The following PROB1 variants were observed in gnomAD, a reference collection of about 807,000 sequenced individuals.
PROB1 encodes the protein proline-rich basic protein 1.
For synonymous variants in PROB1, 660 were observed against 699.3 expected (o/e 0.94, Z 0.89); for missense variants, 1,453 against 1,485.7 (o/e 0.98, Z 0.36).
Position 139,393,177 on chromosome 5 carries a change from G to C in PROB1, c.1905C>G (p.Tyr635Ter), listed in dbSNP as rs753320442. 3.9e-6 allele frequency: 6 copies of C among 1,549,192 alleles called. No homozygotes were observed. The highest frequency in any genetic ancestry group is 3.9e-5 in the Admixed American group (2 of 50,912). Reference protein sequence around the residue: ...RDVRKLVKTTYAPGFPAGAQG... With the variant: ...RDVRKLVKTT ...GTGCTCCTGCCGGGAAGCCTGGCGC[G>C]TACGTGGTCTTCACCAACTTGCGCA... Residue 635 changes from tyrosine to a stop codon, truncating the protein, a stop_gained, in exon 1 of 1, where the codon TAC (tyrosine) becomes TAG (stop). Transcript: ENST00000434752. LOFTEE classifies it low-confidence loss of function (END_TRUNC).
Position 139,394,261 on chromosome 5 carries a change from G to T in PROB1, c.821C>A (p.Thr274Lys). 6.5e-7 allele frequency: 1 copy of T among 1,544,878 alleles called. No individual in the cohort carries two copies. Residue 274 changes from threonine (T) to lysine (K), a missense_variant, in exon 1 of 1, where the codon ACG (threonine) becomes AAG (lysine). Coordinates refer to ENST00000434752, the MANE Select transcript of PROB1 (RefSeq NM_001161546.2). Reference protein sequence around the residue: ...PAPSSATFGSTGRSEPETRET... With the variant: ...PAPSSATFGSKGRSEPETRET... ...CCGGGTCTCAGGTTCCGACCGCCCC[G>T]TGGACCCGAAGGTGGCGCTGCTCGG...
Position 139,394,109 on chromosome 5 carries a change from G to A in PROB1, c.973C>T (p.Arg325Cys). Residue 325 changes from arginine to cysteine, a missense_variant, in exon 1 of 1, where the codon CGC (arginine) becomes TGC (cysteine). Physicochemically the swap from Arg to Cys is radical, Grantham distance 180. Coordinates refer to ENST00000434752, the MANE Select transcript of PROB1 (RefSeq NM_001161546.2). ...WPSLRERAIR[R>C]DKPAPGTEPL... The stretch of plus-strand genomic sequence containing the variant: ...TCCGTCCCGGGCGCAGGCTTGTCGC[G>A]CCGAATCGCGCGCTCGCGGAGGCTG... The A allele has an allele frequency of 1.9e-6, 3 of 1,548,230 alleles. No homozygotes were observed. Among genetic ancestry groups the A allele is most frequent in the Non-Finnish European group, 2.6e-6 (3 of 1,145,630 alleles).
Position 139,393,854 on chromosome 5 carries a change from GGCA to G in PROB1, c.1225_1227del (p.Cys409del), listed in dbSNP as rs1438289394. ...CACGGGGACAGGTTCTGGGGCGACG[GGCA>G]GCGAGGACCCCGTACAGCCCCATTT... On this transcript the variant is annotated inframe_deletion, in exon 1 of 1. Coordinates refer to ENST00000434752, the MANE Select transcript of PROB1 (RefSeq NM_001161546.2). The G allele has an allele frequency of 1.3e-6, 2 of 1,550,594 alleles. No homozygotes were observed. The highest frequency in any genetic ancestry group is 2.7e-5 in the African/African-American group (2 of 72,790).
chr5:139,394,737 G>C lies in PROB1; in HGVS notation c.345C>G (p.Phe115Leu). The change falls in exon 1 of 1, where the codon TTC (phenylalanine) becomes TTG (leucine). Residue 115 changes from phenylalanine (F) to leucine (L), a missense_variant. Phe to Leu is a conservative substitution (Grantham distance 22). Coordinates refer to ENST00000434752, the MANE Select transcript of PROB1 (RefSeq NM_001161546.2). ...TLPSGEMEVI[F>L]GVGPLFGCSG... is the part of the protein sequence containing the mutation. The stretch of plus-strand genomic sequence containing the variant: ...AGCAGCCGAACAGGGGTCCGACGCC[G>C]AAGATGACTTCCATCTCCCCCGACG... 6.5e-7 allele frequency: 1 copy of C among 1,533,332 alleles called. No individual in the cohort carries two copies. Among genetic ancestry groups the C allele is most frequent in the Non-Finnish European group, 8.7e-7 (1 of 1,143,744 alleles). 95.0% of individuals were successfully genotyped at this position (1,533,332 alleles called of 1,614,324 possible). A position where few individuals can be genotyped will look rare whatever the true frequency, so the allele number is the denominator to read the frequency against.
rs1758631182 is a variant in PROB1 at position 139,393,243 on chromosome 5, G to A, written c.1839C>T (p.Ala613=). Residue 613 remains alanine (A), a synonymous_variant, in exon 1 of 1, where the codon GCC becomes GCT. Transcript: ENST00000434752. ...GAATGGCCATGCGCGGGCGTCCCGAGGCCGCCTCTCCAGGACCCAAGACTT... is the reference window on the plus strand; with the variant it reads ...GAATGGCCATGCGCGGGCGTCCCGAAGCCGCCTCTCCAGGACCCAAGACTT... The part of the protein sequence containing the change: ...CPEVLGPGEA[A]SGRPRMAIPR... The A allele has an allele frequency of 3.2e-6, 5 of 1,549,166 alleles. No homozygotes were observed. The highest frequency in any genetic ancestry group is 3.5e-6 in the Non-Finnish European group (4 of 1,146,950).
chr5:139,394,119 G>C lies in PROB1; in HGVS notation c.963C>G (p.Arg321=). 6.5e-7 allele frequency: 1 copy of C among 1,547,968 alleles called. No homozygotes were observed. The highest frequency in any genetic ancestry group is 8.7e-7 in the Non-Finnish European group (1 of 1,145,460). The change falls in exon 1 of 1, where the codon CGC becomes CGG. Residue 321 remains arginine, a synonymous_variant. Coordinates refer to ENST00000434752, the MANE Select transcript of PROB1 (RefSeq NM_001161546.2). Reference sequence around the variant, plus strand: ...GCGCAGGCTTGTCGCGCCGAATCGCGCGCTCGCGGAGGCTGGGCCACGGCC... The same window carrying C: ...GCGCAGGCTTGTCGCGCCGAATCGCCCGCTCGCGGAGGCTGGGCCACGGCC... The part of the protein sequence containing the change: ...APRPWPSLRE[R]AIRRDKPAPG...
rs1758665529 is a variant in PROB1, at chr5:139,394,783, T to A, written c.299A>T (p.Gln100Leu). Residue 100 changes from glutamine to leucine, a missense_variant, in exon 1 of 1, where the codon CAG becomes CTG. Gln to Leu is a moderately radical substitution (Grantham distance 113, BLOSUM62 -2). Transcript: ENST00000434752. ...CGACGGCAGCGTGCGCAGCTGGGGCTGGGGTGGCCGTGGGCCGGAACCTGG... is the reference window on the plus strand; with the variant it reads ...CGACGGCAGCGTGCGCAGCTGGGGCAGGGGTGGCCGTGGGCCGGAACCTGG... Reference protein sequence around the residue: ...RGPGSGPRPPQPQLRTLPSGE... With the variant: ...RGPGSGPRPPLPQLRTLPSGE... The A allele has an allele frequency of 2.0e-6, 3 of 1,529,776 alleles. No homozygotes were observed. The South Asian group carries it at 3.6e-5, about 18-fold the overall frequency. The allele number at this position is 1,529,776 out of a possible 1,614,324, so 94.8% of individuals were successfully genotyped here.
Position 139,393,065 on chromosome 5 carries a change from G to T in PROB1, c.2017C>A (p.Pro673Thr), listed in dbSNP as rs1179383514. Residue 673 changes from proline (P) to threonine (T), a missense_variant, in exon 1 of 1, where the codon CCC becomes ACC. Transcript: ENST00000434752. The part of the protein sequence containing the change: ...SKTQEPPALG[P>T]PAPAHYTSVF... ...GAAGTGTAGTGAGCCGGGGCGGGGG[G>T]CCCCAGTGCTGGCGGCTCTTGCGTC... is the stretch of plus-strand genomic sequence containing the variant. 2 of 1,529,188 alleles carry T rather than the reference G, an allele frequency of 1.3e-6. No individual in the cohort carries two copies. The highest frequency in any genetic ancestry group is 2.5e-5 in the South Asian group (2 of 81,280). 94.7% of individuals were successfully genotyped at this position (1,529,188 alleles called of 1,614,324 possible).
Position 139,393,496 on chromosome 5 carries a change from G to A in PROB1, c.1586C>T (p.Ser529Leu), listed in dbSNP as rs1207980843. 1 of 1,551,474 alleles carries A rather than the reference G, an allele frequency of 6.4e-7. No individual in the cohort carries two copies. The highest frequency in any genetic ancestry group is 8.7e-7 in the Non-Finnish European group (1 of 1,147,000). Residue 529 changes from serine to leucine, a missense_variant, in exon 1 of 1, where the codon TCA (serine) becomes TTA (leucine). By Grantham distance (145) the Ser-to-Leu change is moderately radical. Transcript: ENST00000434752. ...QETWDPMGPGSSIAFTQEAQN... is the reference protein window; with the variant it reads ...QETWDPMGPGLSIAFTQEAQN... ...AGCTTCCTGAGTAAATGCTATCGAT[G>A]AGCCCGGCCCCATGGGATCCCATGT...
rs1758644349 is a variant in PROB1, at chr5:139,393,931, G to A, written c.1151C>T (p.Pro384Leu). 6.4e-7 allele frequency: 1 copy of A among 1,550,910 alleles called. No homozygotes were observed. The change falls in exon 1 of 1, where the codon CCG becomes CTG. Residue 384 changes from proline to leucine, a missense_variant. Coordinates refer to ENST00000434752, the MANE Select transcript of PROB1 (RefSeq NM_001161546.2). ...PFECRIPSEV[P>L]SRAVRPRSPS... ...GCTCCTTGGCCTCACAGCCCTACTC[G>A]GAACCTCCGAGGGGATCCTACACTC...
rs1320822128 is a variant in PROB1, at chr5:139,394,945, A to C, written c.137T>G (p.Val46Gly). The change falls in exon 1 of 1, where the codon GTT becomes GGT. Residue 46 changes from valine (V) to glycine (G), a missense_variant. Transcript: ENST00000434752. The part of the protein sequence containing the change: ...TAPGSPEPPD[V>G]GPDAKGPANW... ...CGCTGGGCCTTTCGCGTCCGGCCCA[A>C]CGTCCGGGGGCTCCGGAGAACCTGG... 1 of 1,521,160 alleles carries C rather than the reference A, an allele frequency of 6.6e-7. No individual in the cohort carries two copies. The highest frequency in any genetic ancestry group is 2.7e-5 in the East Asian group (1 of 37,730). 94.2% of individuals were successfully genotyped at this position (1,521,160 alleles called of 1,614,324 possible).
rs1017571671 is a variant in PROB1 at position 139,394,661 on chromosome 5, T to C, written c.421A>G (p.Ile141Val). ...AQQQFTEPAF[I>V]SPLPPGPASP... The stretch of plus-strand genomic sequence containing the variant: ...GCTGGCCCCGGCGGCAAGGGGCTGA[T>C]GAAGGCCGGCTCCGTGAACTGTTGT... Residue 141 changes from isoleucine (I) to valine (V), a missense_variant, in exon 1 of 1, where the codon ATC becomes GTC. Physicochemically the swap from Ile to Val is conservative, Grantham distance 29 (BLOSUM62 3). Coordinates refer to ENST00000434752, the MANE Select transcript of PROB1 (RefSeq NM_001161546.2). The C allele has an allele frequency of 9.1e-6, 14 of 1,534,840 alleles. No individual in the cohort carries two copies. The highest frequency in any genetic ancestry group is 1.1e-5 in the Non-Finnish European group (13 of 1,145,572).
Position 139,394,209 on chromosome 5 carries a change from G to C in PROB1, c.873C>G (p.Val291=). 6.5e-7 allele frequency: 1 copy of C among 1,548,674 alleles called. No homozygotes were observed. Among genetic ancestry groups the C allele is most frequent in the Non-Finnish European group, 8.7e-7 (1 of 1,145,422 alleles). Residue 291 remains valine, a synonymous_variant, in exon 1 of 1, where the codon GTC becomes GTG. Coordinates refer to ENST00000434752, the MANE Select transcript of PROB1 (RefSeq NM_001161546.2). ...TRETARSTHV[V]LEKAKSRPLR... is the part of the protein sequence containing the mutation. ...GTGGCCGAGACTTAGCCTTCTCCAG[G>C]ACCACGTGGGTGCTGCGGGCCGTTT...
chr5:139,392,714 G>A lies in PROB1; in HGVS notation c.2368C>T (p.Pro790Ser). The change falls in exon 1 of 1, where the codon CCC becomes TCC. Residue 790 changes from proline (P) to serine (S), a missense_variant. Physicochemically the swap from Pro to Ser is moderately conservative, Grantham distance 74 (BLOSUM62 -1). Transcript: ENST00000434752. This position sits in a 1 kb window ranked among gnomAD's most constrained non-coding sequence, Gnocchi z 5.8. ...GGARSSSQRS[P>S]VGPAGVRSPR... ...GATCGGACCCCTGCTGGCCCTACGGGGGAGCGCTGGGATGAGCTGCGGGCG... is the reference window on the plus strand; with the variant it reads ...GATCGGACCCCTGCTGGCCCTACGGAGGAGCGCTGGGATGAGCTGCGGGCG... The A allele has an allele frequency of 2.1e-6, 3 of 1,400,704 alleles. No homozygotes were observed. In the African/African-American group the frequency reaches 4.6e-5, roughly 21 times the overall value. 86.8% of individuals were successfully genotyped at this position (1,400,704 alleles called of 1,614,324 possible). A position where few individuals can be genotyped will look rare whatever the true frequency, so the allele number is the denominator to read the frequency against.
At position 139,392,681 on chromosome 5, in the gene PROB1, G is replaced by T; in HGVS notation, c.2401C>A (p.Pro801Thr). Reference sequence around the variant, plus strand: ...CTGGCTTGCATCTGAGGGGAGCCGGGGCGGGGCGATCGGACCCCTGCTGGC... The same window carrying T: ...CTGGCTTGCATCTGAGGGGAGCCGGTGCGGGGCGATCGGACCCCTGCTGGC... Reference protein sequence around the residue: ...VGPAGVRSPRPGSPQMQASPS... With the variant: ...VGPAGVRSPRTGSPQMQASPS... Residue 801 changes from proline (P) to threonine (T), a missense_variant, in exon 1 of 1, where the codon CCC (proline) becomes ACC (threonine). Pro to Thr is a conservative substitution (Grantham distance 38). Transcript: ENST00000434752. This position sits in a 1 kb window ranked among gnomAD's most constrained non-coding sequence, Gnocchi z 5.8. The T allele has an allele frequency of 7.2e-7, 1 of 1,396,720 alleles. No individual in the cohort carries two copies. The allele number at this position is 1,396,720 out of a possible 1,614,324, so 86.5% of individuals were successfully genotyped here.
Position 139,394,545 on chromosome 5 carries a change from A to G in PROB1, c.537T>C (p.Ser179=), listed in dbSNP as rs771610333. 3.3e-6 allele frequency: 5 copies of G among 1,495,004 alleles called. No individual in the cohort carries two copies. In the African/African-American group the frequency reaches 5.7e-5, roughly 17 times the overall value. 92.6% of individuals were successfully genotyped at this position (1,495,004 alleles called of 1,614,324 possible). A position where few individuals can be genotyped will look rare whatever the true frequency, so the allele number is the denominator to read the frequency against. Residue 179 remains serine, a synonymous_variant, in exon 1 of 1, where the codon AGT becomes AGC. Transcript: ENST00000434752. ...ACTCGAACTGCGCTGGGGCGGCAGG[A>G]CTTGGCCCACGGGGCCGCAGCTCTA... ...TYLELRPRGP[S]PAAPAQFECV...
Position 139,393,049 on chromosome 5 carries a change from T to G in PROB1, c.2033A>C (p.His678Pro). The change falls in exon 1 of 1, where the codon CAC becomes CCC. Residue 678 changes from histidine (H) to proline (P), a missense_variant. Physicochemically the swap from His to Pro is moderately conservative, Grantham distance 77 (BLOSUM62 -2). Coordinates refer to ENST00000434752, the MANE Select transcript of PROB1 (RefSeq NM_001161546.2). Reference sequence around the variant, plus strand: ...ATCCTTGATGAAAACGGAAGTGTAGTGAGCCGGGGCGGGGGGCCCCAGTGC... The same window carrying G: ...ATCCTTGATGAAAACGGAAGTGTAGGGAGCCGGGGCGGGGGGCCCCAGTGC... ...PPALGPPAPAHYTSVFIKDFL... is the reference protein window; with the variant it reads ...PPALGPPAPAPYTSVFIKDFL... 1 of 1,527,052 alleles carries G rather than the reference T, an allele frequency of 6.5e-7. No homozygotes were observed. The highest frequency in any genetic ancestry group is 8.8e-7 in the Non-Finnish European group (1 of 1,136,490). The allele number at this position is 1,527,052 out of a possible 1,614,324, so 94.6% of individuals were successfully genotyped here. A position where few individuals can be genotyped will look rare whatever the true frequency, so the allele number is the denominator to read the frequency against.
Position 139,393,563 on chromosome 5 carries a change from G to T in PROB1, c.1519C>A (p.Pro507Thr). 1 of 1,551,170 alleles carries T rather than the reference G, an allele frequency of 6.4e-7. No individual in the cohort carries two copies. The highest frequency in any genetic ancestry group is 8.7e-7 in the Non-Finnish European group (1 of 1,146,920). ...SPPAFFPWEA[P>T]DRPIGTWGPS... is the part of the protein sequence containing the mutation. ...CCCCAAGTTCCAATAGGACGATCTGGAGCCTCCCACGGGAAGAAGGCCGGC... is the reference window on the plus strand; with the variant it reads ...CCCCAAGTTCCAATAGGACGATCTGTAGCCTCCCACGGGAAGAAGGCCGGC... Residue 507 changes from proline to threonine, a missense_variant, in exon 1 of 1, where the codon CCA becomes ACA. Coordinates refer to ENST00000434752, the MANE Select transcript of PROB1 (RefSeq NM_001161546.2).
chr5:139,393,629 C>A lies in PROB1; in HGVS notation c.1453G>T (p.Ala485Ser). 3 of 1,550,664 alleles carry A rather than the reference C, an allele frequency of 1.9e-6. No individual in the cohort carries two copies. Among genetic ancestry groups the A allele is most frequent in the Non-Finnish European group, 2.6e-6 (3 of 1,146,802 alleles). ...CGTGGCTCCACCGCATCCGCGACTG[C>A]CGAATGTGGAATCTCCCACAGGGAA... ...APSLWEIPHS[A>S]VADAVEPRSS... Residue 485 changes from alanine to serine, a missense_variant, in exon 1 of 1, where the codon GCA (alanine) becomes TCA (serine). Coordinates refer to ENST00000434752, the MANE Select transcript of PROB1 (RefSeq NM_001161546.2).
Sources: gnomAD v4.1 joint callset for allele counts on GRCh38, gnomAD v4.1.1 for gene constraint, Gnocchi (gnomAD v3.1) non-coding constraint, MANE v1.5 for transcripts, NCBI Gene and HGNC (gene_info 2026-07-23, HGNC 2026-07-21) for gene names.